Variants in VEGFB observed in about 807,000 individuals in gnomAD.
VEGFB encodes VEGF-related factor.
In VEGFB, 24 loss-of-function variants were observed where a neutral mutation model predicts 22.5. The ratio of observed to expected loss-of-function variants is 1.07; its 90% CI spans 0.77 to 1.50. The LOEUF (loss-of-function observed/expected upper bound fraction) is 1.50, where lower values mean the gene tolerates loss of function less well. Ranked by LOEUF, VEGFB falls within the 40% of genes most tolerant of loss-of-function variation. The pLI is 0.00. For synonymous variants in VEGFB, 141 were observed against 117.4 expected (o/e 1.20, Z -1.30); for missense variants, 327 against 287.8 (o/e 1.14, Z -0.99).
Position 64,238,430 on chromosome 11 carries a change from G to GT in VEGFB, c.*98dup. 7.2e-6 allele frequency: 11 copies of GT among 1,535,402 alleles called. No homozygotes were observed. The highest frequency in any genetic ancestry group is 9.6e-6 in the Non-Finnish European group (11 of 1,146,318). On this transcript the variant is annotated 3_prime_UTR_variant, in exon 7 of 7. Transcript: ENST00000309422. Reference sequence around the variant, plus strand: ...GACTTGCCTCAGAGGCTATATCCCAGTGGGGGAACAAAGAGGAGCCTGGTA... The same window carrying GT: ...GACTTGCCTCAGAGGCTATATCCCAGTTGGGGGAACAAAGAGGAGCCTGGTA...
rs772144625 is a variant in VEGFB, at chr11:64,237,213, A to T, written c.401A>T (p.Lys134Met). 3.1e-6 allele frequency: 5 copies of T among 1,609,238 alleles called. No homozygotes were observed. In the South Asian group the frequency reaches 4.4e-5, roughly 14 times the overall value. The part of the protein sequence containing the change: ...CRPKKKDSAV[K>M]PDRAATPHHR... ...CCTAAAAAAAAGGACAGTGCTGTGA[A>T]GCCAGACAGGTGAGTCTTTTGGACT... is the stretch of plus-strand genomic sequence containing the variant. Residue 134 changes from lysine (K) to methionine (M), a missense_variant, in exon 5 of 7, where the codon AAG becomes ATG. Physicochemically the swap from Lys to Met is moderately conservative, Grantham distance 95. Coordinates refer to ENST00000309422, the MANE Select transcript of VEGFB (RefSeq NM_003377.5).
In VEGFB at chr11:64,235,924, G is replaced by A; in HGVS notation, c.215G>A (p.Cys72Tyr). ...GTGGCCAAACAGCTGGTGCCCAGCTGCGTGACTGTGCAGCGCTGTGGTGGC... is the reference window on the plus strand; with the variant it reads ...GTGGCCAAACAGCTGGTGCCCAGCTACGTGACTGTGCAGCGCTGTGGTGGC... ...GTVAKQLVPS[C>Y]VTVQRCGGCC... Residue 72 changes from cysteine to tyrosine, a missense_variant, in exon 3 of 7, where the codon TGC becomes TAC. Physicochemically the swap from Cys to Tyr is radical, Grantham distance 194 (BLOSUM62 -2). Transcript: ENST00000309422. The A allele has an allele frequency of 1.2e-6, 2 of 1,613,470 alleles. No homozygotes were observed. Among genetic ancestry groups the A allele is most frequent in the Non-Finnish European group, 1.7e-6 (2 of 1,179,936 alleles).
In VEGFB at chr11:64,238,674, T is replaced by C; in HGVS notation, c.*341T>C. 1 of 490,948 alleles carries C rather than the reference T, an allele frequency of 2.0e-6. No homozygotes were observed. The highest frequency in any genetic ancestry group is 2.4e-5 in the South Asian group (1 of 42,234). 30.4% of individuals were successfully genotyped at this position (490,948 alleles called of 1,614,324 possible). On this transcript the variant is annotated 3_prime_UTR_variant, in exon 7 of 7. Coordinates refer to ENST00000309422, the MANE Select transcript of VEGFB (RefSeq NM_003377.5). Reference sequence around the variant, plus strand: ...TCTAACCACTCTGTGCAAGTAAGCATCTTACAACTGGCTCTTCCTCCCCTC... The same window carrying C: ...TCTAACCACTCTGTGCAAGTAAGCACCTTACAACTGGCTCTTCCTCCCCTC...
At position 64,237,126 on chromosome 11, in the gene VEGFB, G is replaced by GAGAGAGAGAGAGA; in HGVS notation, c.375-61_375-60insAGAGAGAGAGAGA. 2.0e-5 allele frequency: 14 copies of GAGAGAGAGAGAGA among 717,552 alleles called. 1 individual carries two copies. The East Asian group carries it at 2.3e-4, about 12-fold the overall frequency. The allele number at this position is 717,552 out of a possible 1,614,324, so 44.4% of individuals were successfully genotyped here. ...GAGAGAGAGAGAGAGAGAGAGAGTA[G>GAGAGAGAGAGAGA]GATGCTGGGATTTCCTGATCTTCCT... On this transcript the variant is annotated intron_variant, in intron 4 of 6. Transcript: ENST00000309422.
chr11:64,236,881 C>T (rs1051887238), intron 4 of VEGFB, among the ~76,000 whole-genome samples: 1 of 148,804 alleles, frequency 6.7e-6, no homozygotes, highest in Non-Finnish European at 1.5e-5. Flanking sequence ...GCGTTTGAGA[C>T]CAGCCTGGCC....
intron 4 of VEGFB, among the ~76,000 whole-genome samples, chr11:64,236,846 A>C (rs1426249911): frequency 6.7e-6 from 1 of 149,384 alleles, no homozygotes; most frequent in Non-Finnish European, 1.5e-5. Context: ...TGGGAGGCCC[A>C]GGCAGGCAGA....
chr11:64,236,836 T>C (rs977830861), intron 4 of VEGFB, among the ~76,000 whole-genome samples: 2 of 149,248 alleles, frequency 1.3e-5, no homozygotes, highest in East Asian at 3.9e-4. Context: ...CCCAGCACTT[T>C]GGGAGGCCCA....
chr11:64,237,463 G>A lies in VEGFB; in HGVS notation c.454G>A (p.Gly152Ser), dbSNP rs149628057. 606 of 1,611,902 alleles carry A rather than the reference G, an allele frequency of 3.8e-4. 2 individuals carry two copies. The African/African-American group carries it at 7.0e-3, about 19-fold the overall frequency. ...HHRPQPRSVP[G>S]WDSAPGAPSP... ...CCGTCCCCAGCCCCGTTCTGTTCCG[G>A]GCTGGGACTCTGCCCCCGGAGCACC... The change falls in exon 6 of 7, where the codon GGC becomes AGC. Residue 152 changes from glycine to serine, a missense_variant. Transcript: ENST00000309422.
At chr11:64,236,558 A>T (rs2030042790) in intron 4 of VEGFB, among the ~76,000 whole-genome samples, 1 of 151,710 alleles carries the variant, frequency 6.6e-6, no homozygotes, top group Non-Finnish European at 1.5e-5. Context: ...TACTAAAAAA[A>T]TACAAAAAAT....
Position 64,234,982 on chromosome 11 carries a change from G to T in VEGFB, c.60+89G>T, listed in dbSNP as rs1947231366. On this transcript the variant is annotated intron_variant, in intron 1 of 6. Transcript: ENST00000309422. This position sits in a 1 kb window ranked among gnomAD's most constrained non-coding sequence, Gnocchi z 5.3. ...GAGGAGGCGACCCGCGGCCTCGGCCGAGGGGATCTGCGGGGTCCGGCCTTG... is the reference window on the plus strand; with the variant it reads ...GAGGAGGCGACCCGCGGCCTCGGCCTAGGGGATCTGCGGGGTCCGGCCTTG... 3 of 1,109,166 alleles carry T rather than the reference G, an allele frequency of 2.7e-6. No homozygotes were observed. The highest frequency in any genetic ancestry group is 3.4e-4 in the Middle Eastern group (1 of 2,956). 68.7% of individuals were successfully genotyped at this position (1,109,166 alleles called of 1,614,324 possible).
intron 4 of VEGFB, 60 bp from the exon 5 acceptor site, chr11:64,237,127 G>GAGAGAGAGAGAGAGAGAGAGATATAT (rs1565318108): frequency 1.2e-6 from 1 of 813,206 alleles, no homozygotes; most frequent in East Asian, 3.2e-5. Context: ...GAGAGAGTAG[G>GAGAGAGAGAGAGAGAGAGAGATATAT]ATGCTGGGAT....
At chr11:64,237,127 G>GAGATATATATATATATATATATATAT (rs1565318108) in intron 4 of VEGFB, 60 bp from the exon 5 acceptor site, 1 of 813,042 alleles carries the variant, frequency 1.2e-6, no homozygotes, top group Non-Finnish European at 1.8e-6. Flanking sequence ...GAGAGAGTAG[G>GAGATATATATATATATATATATATAT]ATGCTGGGAT....
intron 4 of VEGFB, 37 bp from the exon 5 acceptor site, chr11:64,237,150 C>G (rs747775609): frequency 6.6e-7 from 1 of 1,507,918 alleles, no homozygotes; most frequent in South Asian, 1.2e-5. Context: ...CCTGATCTTC[C>G]TCTTGTTTGT....
In VEGFB at chr11:64,236,045, G is replaced by T. The variant is rs371386008; in HGVS notation, c.300+36G>T. ...GGTGGGGCAACGGGCAGGGGATGCA[G>T]GTACTGGGCAGGTGGGGCAGCGGGC... On this transcript the variant is annotated intron_variant, in intron 3 of 6. Coordinates refer to ENST00000309422, the MANE Select transcript of VEGFB (RefSeq NM_003377.5). 1.2e-5 allele frequency: 19 copies of T among 1,556,406 alleles called. No homozygotes were observed. In the African/African-American group the frequency reaches 2.3e-4, roughly 19 times the overall value.
At chr11:64,236,936 A>C in intron 4 of VEGFB, among the ~76,000 whole-genome samples, 1 of 148,200 alleles carries the variant, frequency 6.7e-6, no homozygotes, top group African/African-American at 2.5e-5. Context: ...TACAAAAATT[A>C]GCCGCGCATG....
chr11:64,236,812 C>T (rs535899559), intron 4 of VEGFB, among the ~76,000 whole-genome samples: 1 of 146,562 alleles, frequency 6.8e-6, no homozygotes, highest in Admixed American at 6.8e-5. Context: ...GGGGTAGTGG[C>T]TCACACCTAT....
chr11:64,235,330 C>G, intron 1 of VEGFB, 128 bp from the exon 2 acceptor site: 1 of 918,788 alleles, frequency 1.1e-6, no homozygotes, highest in South Asian at 1.5e-5. Flanking sequence ...GCCGCAGGAA[C>G]AGAGCAATCT....
rs773761827 is a variant in VEGFB, at chr11:64,236,002, G to A, written c.293G>A (p.Arg98Gln). The A allele has an allele frequency of 6.9e-6, 11 of 1,589,352 alleles. No individual in the cohort carries two copies. The highest frequency in any genetic ancestry group is 5.4e-5 in the African/African-American group (4 of 74,374). ...GTGCCCACTGGGCAGCACCAAGTCC[G>A]GATGCAGGTACTGGGCAGGTGGGGC... ...ECVPTGQHQV[R>Q]MQILMIRYPS... Residue 98 changes from arginine to glutamine, a missense_variant, in exon 3 of 7, where the codon CGG (arginine) becomes CAG (glutamine). By Grantham distance (43) the Arg-to-Gln change is conservative (BLOSUM62 1). Transcript: ENST00000309422.
In VEGFB at chr11:64,237,083, CAA is replaced by C. The variant is rs1491399212; in HGVS notation, c.375-102_375-101del. 2.7e-3 allele frequency: 1,774 copies of C among 650,196 alleles called. 151 individuals are homozygous for C. The highest frequency in any genetic ancestry group is 4.3e-3 in the Middle Eastern group (8 of 1,876). The allele number at this position is 650,196 out of a possible 1,614,324, so 40.3% of individuals were successfully genotyped here. A position where few individuals can be genotyped will look rare whatever the true frequency, so the allele number is the denominator to read the frequency against. On this transcript the variant is annotated intron_variant, in intron 4 of 6. Coordinates refer to ENST00000309422, the MANE Select transcript of VEGFB (RefSeq NM_003377.5). ...GGGCAAGAAGAGGGAAACACAGTCT[CAA>C]AGAGAGAGAGAGAGAGAGAGAGAGA...
Sources: allele counts gnomAD v4.1 joint callset (sites outside exome capture counted in the v4.1 genomes callset), GRCh38; gene constraint gnomAD v4.1.1; non-coding constraint Gnocchi (gnomAD v3.1); transcripts MANE v1.5; gene names NCBI Gene and HGNC (gene_info 2026-07-23, HGNC 2026-07-21).